The following HAUS6 variants were observed in gnomAD, a reference collection of about 807,000 sequenced individuals.
HAUS6 encodes the protein HAUS augmin-like complex subunit 6.
In HAUS6, 80 loss-of-function variants were observed where a neutral mutation model predicts 106.8. The observed-to-expected ratio is 0.75, with a 90% CI of 0.63 to 0.90. The LOEUF (loss-of-function observed/expected upper bound fraction) is 0.90. Ranked by LOEUF, HAUS6 falls within the 40% of genes least tolerant of loss-of-function variation. HAUS6 has a pLI of 0.00. For synonymous variants in HAUS6, 356 were observed against 379.1 expected (o/e 0.94, Z 0.71); for missense variants, 1,155 against 1,118.1 (o/e 1.03, Z -0.47).
chr9:19,085,423 G>C (rs1026843833), intron 7 of HAUS6, among the ~76,000 whole-genome samples: 1 of 152,016 alleles, frequency 6.6e-6, no homozygotes, highest in African/African-American at 2.4e-5. Context: ...TCTCCTCATT[G>C]TTGTAGCCCT....
chr9:19,065,627 G>A (rs769219398), intron 12 of HAUS6, among the ~76,000 whole-genome samples: 37 of 152,226 alleles, frequency 2.4e-4, no homozygotes, highest in Non-Finnish European at 1.6e-4. Context: ...GATCACCTGA[G>A]GTCAGGAGTT....
chr9:19,078,902 C>T, intron 9 of HAUS6, among the ~76,000 whole-genome samples: 1 of 148,470 alleles, frequency 6.7e-6, no homozygotes, highest in Admixed American at 6.7e-5. Context: ...CACCTATAAT[C>T]CCAGAACTTT....
intron 1 of HAUS6, among the ~76,000 whole-genome samples, chr9:19,099,702 T>A (rs989029116): frequency 2.6e-5 from 4 of 152,164 alleles, no homozygotes; most frequent in African/African-American, 9.7e-5. Flanking sequence ...CCTCAAGCAA[T>A]CTCCCACCTC....
intron 9 of HAUS6, among the ~76,000 whole-genome samples, 197 bp downstream of exon 9, chr9:19,080,282 C>A (rs1187907585): frequency 6.6e-6 from 1 of 151,130 alleles, no homozygotes; most frequent in African/African-American, 2.4e-5. Context: ...TTATTCAGGG[C>A]AAATCATTTA....
chr9:19,064,500 C>A (rs1166711600), intron 12 of HAUS6, among the ~76,000 whole-genome samples: 1 of 152,030 alleles, frequency 6.6e-6, no homozygotes, highest in Non-Finnish European at 1.5e-5. Flanking sequence ...TTATTAAATT[C>A]TAAAATCTTC....
chr9:19,093,984 A>G (rs2082566399), intron 3 of HAUS6, among the ~76,000 whole-genome samples: 2 of 152,236 alleles, frequency 1.3e-5, no homozygotes, highest in Admixed American at 6.5e-5. Context: ...AGAAAAAACA[A>G]TTATAATGAT....
intron 12 of HAUS6, among the ~76,000 whole-genome samples, chr9:19,067,752 A>C (rs1403764483): frequency 6.6e-6 from 1 of 152,092 alleles, no homozygotes; most frequent in Admixed American, 6.5e-5. Flanking sequence ...GCAATGGTGC[A>C]ACCTCGGCTC....
intron 11 of HAUS6, among the ~76,000 whole-genome samples, chr9:19,070,617 A>C (rs1455854016): frequency 6.6e-6 from 1 of 152,240 alleles, no homozygotes. Context: ...CACAAAAGCC[A>C]GCAAGGCCAA....
intron 13 of HAUS6, 84 bp downstream of exon 13, chr9:19,063,430 T>G: frequency 1.4e-6 from 1 of 725,684 alleles, no homozygotes; most frequent in Non-Finnish European, 2.3e-6. Flanking sequence ...AGAAATTAAA[T>G]TTAACTGTGG....
Position 19,080,328 on chromosome 9 carries a change from A to G in HAUS6, c.1064+151T>C, listed in dbSNP as rs112810835. 3.8e-3 allele frequency: 2,235 copies of G among 585,584 alleles called. 41 individuals are homozygous for G. The African/African-American group carries it at 0.038, about 10-fold the overall frequency. The allele number at this position is 585,584 out of a possible 1,614,324, so 36.3% of individuals were successfully genotyped here. On this transcript the variant is annotated intron_variant, in intron 9 of 16. Transcript: ENST00000380502. ...TTTCCTTTTCCTTTCTGCTTCATGTATATCTCCAAGAGTTGATTATGTAAG... is the reference window on the plus strand; with the variant it reads ...TTTCCTTTTCCTTTCTGCTTCATGTGTATCTCCAAGAGTTGATTATGTAAG...
chr9:19,077,478 T>A (rs1837035626), intron 10 of HAUS6, among the ~76,000 whole-genome samples: 2 of 152,144 alleles, frequency 1.3e-5, no homozygotes, highest in African/African-American at 2.4e-5. Context: ...GAGGCTGCAG[T>A]GAGCTGAGAT....
chr9:19,066,582 C>A (rs542157683), intron 12 of HAUS6, among the ~76,000 whole-genome samples: 1 of 141,516 alleles, frequency 7.1e-6, no homozygotes, highest in Non-Finnish European at 1.6e-5. Flanking sequence ...CTCCCCCCCA[C>A]ACACACAAAC....
At position 19,059,998 on chromosome 9, in the gene HAUS6, C is replaced by T. The variant is rs779623065; in HGVS notation, c.1765+90G>A. ...AACAGCATAAATAAACAGCCTTTGGCAACTCAGCTAAAAAGATCTGTCAGG... is the reference window on the plus strand; with the variant it reads ...AACAGCATAAATAAACAGCCTTTGGTAACTCAGCTAAAAAGATCTGTCAGG... On this transcript the variant is annotated intron_variant, in intron 15 of 16. Coordinates refer to ENST00000380502, the MANE Select transcript of HAUS6 (RefSeq NM_017645.5). The T allele has an allele frequency of 9.2e-6, 9 of 982,996 alleles. No individual in the cohort carries two copies. In the East Asian group the frequency reaches 1.2e-4, roughly 13 times the overall value. The allele number at this position is 982,996 out of a possible 1,614,324, so 60.9% of individuals were successfully genotyped here.
intron 1 of HAUS6, among the ~76,000 whole-genome samples, chr9:19,099,707 C>A (rs1019979014): frequency 5.9e-5 from 9 of 152,210 alleles, no homozygotes; most frequent in African/African-American, 1.9e-4. Flanking sequence ...AGCAATCTCC[C>A]ACCTCAGCCT....
intron 6 of HAUS6, 66 bp downstream of exon 6, chr9:19,087,025 C>G (rs1461910971): frequency 7.6e-6 from 6 of 790,098 alleles, no homozygotes; most frequent in Non-Finnish European, 1.4e-5. Flanking sequence ...AGTCTGTTTC[C>G]TAGCCTGTAA....
Position 19,089,367 on chromosome 9 carries a change from T to C in HAUS6, c.584+45A>G, listed in dbSNP as rs771218475. On this transcript the variant is annotated intron_variant, in intron 5 of 16. Transcript: ENST00000380502. ...CCTGACATTATATTGGTGACATCTG[T>C]TCAAAAGAAAGAAATTATTTTCTAA... 4.6e-6 allele frequency: 6 copies of C among 1,298,462 alleles called. No individual in the cohort carries two copies. In the East Asian group the frequency reaches 1.4e-4, roughly 30 times the overall value. 80.4% of individuals were successfully genotyped at this position (1,298,462 alleles called of 1,614,324 possible). A position where few individuals can be genotyped will look rare whatever the true frequency, so the allele number is the denominator to read the frequency against.
chr9:19,088,176 A>T (rs1175386340), intron 5 of HAUS6, among the ~76,000 whole-genome samples: 1 of 152,242 alleles, frequency 6.6e-6, no homozygotes, highest in Admixed American at 6.5e-5. Flanking sequence ...GCACTTTGGG[A>T]GGCTGAGGCG....
At chr9:19,070,728 T>TA (rs1353991551) in intron 11 of HAUS6, among the ~76,000 whole-genome samples, 1 of 152,158 alleles carries the variant, frequency 6.6e-6, no homozygotes, top group African/African-American at 2.4e-5. Context: ...GCTACTACCA[T>TA]ACCAACAATG....
chr9:19,093,176 G>A lies in HAUS6; in HGVS notation c.431C>T (p.Ser144Phe). 3 of 1,545,264 alleles carry A rather than the reference G, an allele frequency of 1.9e-6. No individual in the cohort carries two copies. Among genetic ancestry groups the A allele is most frequent in the Non-Finnish European group, 2.6e-6 (3 of 1,137,292 alleles). Residue 144 changes from serine (S) to phenylalanine (F), a missense_variant, in exon 4 of 17, where the codon TCT (serine) becomes TTT (phenylalanine). Ser to Phe is a radical substitution (Grantham distance 155, BLOSUM62 -2). This residue lies in a region of HAUS6 where 761 missense variants were observed against 690.0 expected (regional missense o/e 1.10). Coordinates refer to ENST00000380502, the MANE Select transcript of HAUS6 (RefSeq NM_017645.5). ...CTTTTATAAGTTGAACTTACTTTTA[G>A]AATTGGATTTAATATATTTCATTGC... The part of the protein sequence containing the change: ...FVAMKYIKSN[S>F]KNSSHHFVET...
Sources: gnomAD v4.1 joint callset for allele counts (sites outside exome capture counted in the v4.1 genomes callset) on GRCh38, gnomAD v4.1.1 for gene constraint, gnomAD v4.1.1 regional missense constraint, MANE v1.5 for transcripts, NCBI Gene and HGNC (gene_info 2026-07-23, HGNC 2026-07-21) for gene names.